The following ABCC4 variants were observed in gnomAD, a reference collection of about 807,000 sequenced individuals.
ABCC4 encodes the protein ATP binding cassette subfamily C member 4 (PEL blood group), also known as ATP-binding cassette sub-family C member 4.
ABCC4 carries 102 observed loss-of-function variants against 168.5 expected under a neutral mutation model. The ratio of observed to expected loss-of-function variants is 0.61; its 90% CI spans 0.52 to 0.71. The LOEUF is 0.71. Ranked by LOEUF, ABCC4 falls within the 30% of genes least tolerant of loss-of-function variation. The pLI is 0.00. For synonymous variants in ABCC4, 617 were observed against 590.7 expected (o/e 1.04, Z -0.65); for missense variants, 1,402 against 1,605.8 (o/e 0.87, Z 2.17).
At chr13:95,121,755 A>T (rs868492500) in intron 19 of ABCC4, among the ~76,000 whole-genome samples, 2 of 151,894 alleles carry the variant, frequency 1.3e-5, no homozygotes, top group Non-Finnish European at 2.9e-5. Flanking sequence ...GAAGAATCTT[A>T]AAGAATGAGA....
chr13:95,224,494 T>C (rs563466072), intron 4 of ABCC4, among the ~76,000 whole-genome samples: 1 of 152,160 alleles, frequency 6.6e-6, no homozygotes, highest in African/African-American at 2.4e-5. Flanking sequence ...CCCAGCACTT[T>C]GGGAGGCCAA....
At chr13:95,035,080 G>T (rs1210657766) in intron 29 of ABCC4, among the ~76,000 whole-genome samples, 1 of 152,130 alleles carries the variant, frequency 6.6e-6, no homozygotes, top group African/African-American at 2.4e-5. Context: ...GCCTTGAGGG[G>T]TATTTATACA....
At chr13:95,060,993 T>A (rs553155034) in intron 26 of ABCC4, among the ~76,000 whole-genome samples, 32 of 152,336 alleles carry the variant, frequency 2.1e-4, no homozygotes, top group African/African-American at 7.0e-4. Context: ...AGGGGAACCA[T>A]CTAGTGTCTG....
intron 20 of ABCC4, among the ~76,000 whole-genome samples, chr13:95,087,487 C>CA (rs1451555392): frequency 8.7e-5 from 13 of 149,622 alleles, no homozygotes; most frequent in Admixed American, 3.3e-4. Context: ...GACTCTGTCT[C>CA]AAAAAAAAAT....
At chr13:95,189,983 T>G (rs1434308966) in intron 9 of ABCC4, among the ~76,000 whole-genome samples, 1 of 152,072 alleles carries the variant, frequency 6.6e-6, no homozygotes, top group East Asian at 1.9e-4. Context: ...TTCAGGAGTA[T>G]ATGCATGTTT....
In ABCC4 at chr13:95,146,598, C is replaced by A. The variant is rs758897184; in HGVS notation, c.2455+14591G>T. Among the ~76,000 whole-genome samples the A allele has an allele frequency of 4.6e-5, 7 of 152,092 alleles. No individual in the cohort carries two copies. The East Asian group carries it at 1.2e-3, about 25-fold the overall frequency. On this transcript the variant is annotated intron_variant, in intron 19 of 30. Transcript: ENST00000645237. ...TTCAATTACAGGCATCACATCCCTGCGGTTGCCACATAAAAACCGATAGGG... is the reference window on the plus strand; with the variant it reads ...TTCAATTACAGGCATCACATCCCTGAGGTTGCCACATAAAAACCGATAGGG...
chr13:95,154,315 AG>A (rs1262783093), intron 19 of ABCC4, among the ~76,000 whole-genome samples: 2 of 152,206 alleles, frequency 1.3e-5, no homozygotes, highest in South Asian at 2.1e-4. Flanking sequence ...GCATCAGGCA[AG>A]GGGGTGGGAG....
At chr13:95,158,314 A>C (rs1398720591) in intron 19 of ABCC4, among the ~76,000 whole-genome samples, 1 of 152,084 alleles carries the variant, frequency 6.6e-6, no homozygotes, top group African/African-American at 2.4e-5. Flanking sequence ...CTGGGGTGGG[A>C]GTGGACATAA....
intron 19 of ABCC4, among the ~76,000 whole-genome samples, chr13:95,154,180 T>C (rs1417512128): frequency 4.6e-5 from 7 of 152,072 alleles, no homozygotes; most frequent in Non-Finnish European, 8.8e-5. Context: ...CAAGAAAAAA[T>C]GAAAGGGGAA....
intron 25 of ABCC4, among the ~76,000 whole-genome samples, chr13:95,066,350 G>A (rs1394398579): frequency 2.6e-5 from 4 of 152,116 alleles, no homozygotes; most frequent in Admixed American, 6.5e-5. Context: ...TAAAATCTGC[G>A]AATTCCTTCT....
At chr13:95,139,336 G>A (rs1301452410) in intron 19 of ABCC4, among the ~76,000 whole-genome samples, 3 of 152,232 alleles carry the variant, frequency 2.0e-5, no homozygotes, top group African/African-American at 4.8e-5. Flanking sequence ...GTCACCAAAC[G>A]TTGATGTCAA....
intron 11 of ABCC4, 94 bp downstream of exon 11, chr13:95,186,606 TA>T (rs2038067906): frequency 3.3e-6 from 4 of 1,221,798 alleles, no homozygotes; most frequent in Non-Finnish European, 4.5e-6. Flanking sequence ...CAAAGGTCTT[TA>T]AAAATTAAAA....
At chr13:95,025,727 GAAGT>G (rs531579141) in intron 30 of ABCC4, among the ~76,000 whole-genome samples, 169 of 151,982 alleles carry the variant, frequency 1.1e-3, no homozygotes, top group African/African-American at 3.9e-3. Flanking sequence ...AATAAGAAAT[GAAGT>G]AAGATAAACA....
chr13:95,298,274 G>A (rs1407047044), intron 1 of ABCC4, among the ~76,000 whole-genome samples: 1 of 152,062 alleles, frequency 6.6e-6, no homozygotes, highest in African/African-American at 2.4e-5. Flanking sequence ...GGGTGACAGA[G>A]CTGAGCAACA....
intron 11 of ABCC4, among the ~76,000 whole-genome samples, chr13:95,184,500 G>C (rs2037997817): frequency 6.6e-6 from 1 of 152,158 alleles, no homozygotes; most frequent in African/African-American, 2.4e-5. Flanking sequence ...AACTGCAAAT[G>C]TTCAAGTGAG....
chr13:95,041,925 T>C (rs931920257), intron 29 of ABCC4, among the ~76,000 whole-genome samples: 5 of 152,106 alleles, frequency 3.3e-5, no homozygotes, highest in African/African-American at 4.8e-5. Flanking sequence ...AATTGGAAAA[T>C]AGTTCTCACA....
chr13:95,138,791 T>C (rs984967562), intron 19 of ABCC4, among the ~76,000 whole-genome samples: 6 of 152,278 alleles, frequency 3.9e-5, no homozygotes, highest in South Asian at 4.1e-4. Flanking sequence ...AAAGCCTTCC[T>C]GCTCTAGGGA....
At chr13:95,080,632 C>A (rs1376462428) in intron 21 of ABCC4, among the ~76,000 whole-genome samples, 1 of 152,190 alleles carries the variant, frequency 6.6e-6, no homozygotes, top group Non-Finnish European at 1.5e-5. Flanking sequence ...CACCATCACG[C>A]CCAGCTAATT....
chr13:95,041,440 A>G (rs2032356259), intron 29 of ABCC4, among the ~76,000 whole-genome samples: 2 of 152,232 alleles, frequency 1.3e-5, no homozygotes, highest in African/African-American at 4.8e-5. Context: ...AGTATTCACC[A>G]ATGCAACAAA....
Sources: allele counts gnomAD v4.1 joint callset (sites outside exome capture counted in the v4.1 genomes callset), GRCh38; gene constraint gnomAD v4.1.1; transcripts MANE v1.5; gene names NCBI Gene and HGNC (gene_info 2026-07-23, HGNC 2026-07-21).